The following SPMIP3 variants were observed in gnomAD, a reference collection of about 807,000 sequenced individuals.
The protein encoded by SPMIP3 is protein SPMIP3.
At chr1:244,359,838 C>A in the SPMIP3 span, among the ~76,000 whole-genome samples, 4 of 151,898 alleles carry the variant, frequency 2.6e-5, no homozygotes, top group African/African-American at 9.7e-5. Context: ...TGGCCCGGGG[C>A]GGTGGCTCAC....
chr1:244,382,579 A>G, the SPMIP3 span, among the ~76,000 whole-genome samples: 1 of 136,514 alleles, frequency 7.3e-6, no homozygotes, highest in Non-Finnish European at 1.6e-5. Flanking sequence ...TAACGGCATT[A>G]TTTGTATTAC....
the SPMIP3 span, among the ~76,000 whole-genome samples, chr1:244,381,626 G>C: frequency 6.6e-6 from 1 of 152,256 alleles, no homozygotes; most frequent in South Asian, 2.1e-4. Context: ...ATACCAAATA[G>C]AGGTGCAGGA....
the SPMIP3 span, among the ~76,000 whole-genome samples, chr1:244,361,928 G>A: frequency 2.0e-5 from 3 of 152,062 alleles, no homozygotes; most frequent in East Asian, 1.9e-4. Flanking sequence ...CGAAGCTTTC[G>A]GAGTTCGGGT....
At chr1:244,387,950 G>C in the SPMIP3 span, among the ~76,000 whole-genome samples, 2 of 150,472 alleles carry the variant, frequency 1.3e-5, no homozygotes, top group Non-Finnish European at 3.0e-5. Flanking sequence ...TTTTTGAGAC[G>C]AAGTTTCACT....
the SPMIP3 span, among the ~76,000 whole-genome samples, chr1:244,372,211 A>G: frequency 6.6e-6 from 1 of 151,744 alleles, no homozygotes; most frequent in Non-Finnish European, 1.5e-5. Flanking sequence ...TGTCCTATGG[A>G]CCCTTTATTC....
the SPMIP3 span, among the ~76,000 whole-genome samples, chr1:244,369,906 G>T: frequency 6.6e-6 from 1 of 152,136 alleles, no homozygotes; most frequent in Non-Finnish European, 1.5e-5. Flanking sequence ...CGTGGTGACA[G>T]AGAAAGGGGA....
chr1:244,364,753 C>T, the SPMIP3 span: 2 of 1,614,088 alleles, frequency 1.2e-6, no homozygotes, highest in Non-Finnish European at 1.7e-6. Flanking sequence ...GTGATCCCGC[C>T]AAGGTATAGT....
the SPMIP3 span, among the ~76,000 whole-genome samples, chr1:244,369,268 C>A: frequency 6.6e-6 from 1 of 152,212 alleles, no homozygotes; most frequent in Non-Finnish European, 1.5e-5. Context: ...TTTGTGGAAC[C>A]CAGGATACTC....
chr1:244,373,988 C>T, the SPMIP3 span, among the ~76,000 whole-genome samples: 2 of 152,006 alleles, frequency 1.3e-5, no homozygotes, highest in Non-Finnish European at 2.9e-5. Flanking sequence ...TGGCAGGCAC[C>T]TGTAATTCCA....
chr1:244,360,482 G>A, the SPMIP3 span, among the ~76,000 whole-genome samples: 1 of 144,004 alleles, frequency 6.9e-6, no homozygotes, highest in African/African-American at 2.6e-5. Context: ...GTCTATCAAT[G>A]GATGAATGGA....
At chr1:244,375,208 T>C in the SPMIP3 span, 1 of 522,918 alleles carries the variant, frequency 1.9e-6, no homozygotes, top group South Asian at 2.7e-5. Context: ...TGGTTATGCA[T>C]GAAAAAGACC....
At chr1:244,362,085 C>T in the SPMIP3 span, among the ~76,000 whole-genome samples, 1 of 152,152 alleles carries the variant, frequency 6.6e-6, no homozygotes, top group Non-Finnish European at 1.5e-5. Context: ...TGTTGGATAG[C>T]CAACTATTCC....
chr1:244,373,209 T>C, the SPMIP3 span, among the ~76,000 whole-genome samples: 1 of 151,232 alleles, frequency 6.6e-6, no homozygotes. Flanking sequence ...AATGAGACCC[T>C]GTCTTTTAAA....
the SPMIP3 span, among the ~76,000 whole-genome samples, chr1:244,373,982 A>G: frequency 7.9e-5 from 12 of 152,128 alleles, no homozygotes; most frequent in Middle Eastern, 3.4e-3. Flanking sequence ...GTGTGGTGGC[A>G]GGCACCTGTA....
chr1:244,380,202 C>A, the SPMIP3 span, among the ~76,000 whole-genome samples: 1 of 149,602 alleles, frequency 6.7e-6, no homozygotes, highest in African/African-American at 2.5e-5. Context: ...CATCTGGGAC[C>A]TCCACCTCCC....
At chr1:244,364,254 G>A in the SPMIP3 span, among the ~76,000 whole-genome samples, 4 of 151,914 alleles carry the variant, frequency 2.6e-5, no homozygotes, top group African/African-American at 4.8e-5. Flanking sequence ...ACAGGCGCCC[G>A]CCACCAGGCC....
chr1:244,386,109 C>T, the SPMIP3 span, among the ~76,000 whole-genome samples: 546 of 152,118 alleles, frequency 3.6e-3, 6 homozygotes, highest in African/African-American at 0.013. Context: ...CCCCAGGAGG[C>T]GGAGGTTGCA....
chr1:244,380,123 CTTTTTTTT>C, the SPMIP3 span, among the ~76,000 whole-genome samples: 1 of 115,530 alleles, frequency 8.7e-6, no homozygotes. Context: ...CAGAGTTTTT[CTTTTTTTT>C]TTTTTTTTTT....
At chr1:244,352,776 C>T in the SPMIP3 span, 1 of 152,186 alleles carries the variant, frequency 6.6e-6, no homozygotes, top group Non-Finnish European at 1.5e-5. Flanking sequence ...TCTCTCTCGC[C>T]TCATTTAGAG....
Sources: gnomAD v4.1 joint callset for allele counts (sites outside exome capture counted in the v4.1 genomes callset) on GRCh38, gnomAD v4.1.1 for gene constraint, MANE v1.5 for transcripts, NCBI Gene and HGNC (gene_info 2026-07-23, HGNC 2026-07-21) for gene names.